The following TLN2 variants were observed in gnomAD, a reference collection of about 807,000 sequenced individuals.
TLN2 encodes talin 2, also known as talin-2.
A neutral mutation model predicts 294.7 loss-of-function variants in TLN2; 118 were observed. That is an observed-to-expected ratio of 0.40 (90% CI 0.34 to 0.47). TLN2 has a LOEUF of 0.47. Ranked by LOEUF, TLN2 falls within the 20% of genes least tolerant of loss-of-function variation. The pLI, the probability that TLN2 is intolerant of heterozygous loss-of-function variation, is 0.84. For missense variants in TLN2, 3,083 were observed against 3,282.2 expected, an observed-to-expected ratio of 0.94 and a Z score of 1.48; for synonymous variants, 1,431 against 1,304.5, an observed-to-expected ratio of 1.10 and a Z score of -2.09.
intron 1 of TLN2, among the ~76,000 whole-genome samples, chr15:62,449,341 G>C (rs563591618): frequency 6.6e-6 from 1 of 152,300 alleles, no homozygotes; most frequent in African/African-American, 2.4e-5. Context: ...TGGTCCTGAT[G>C]CTGAAGAGCT....
In TLN2 at chr15:62,722,438, C is replaced by T; in HGVS notation, c.3077C>T (p.Ala1026Val). The T allele has an allele frequency of 1.2e-6, 2 of 1,612,888 alleles. No individual in the cohort carries two copies. The highest frequency in any genetic ancestry group is 1.7e-6 in the Non-Finnish European group (2 of 1,179,572). Residue 1026 changes from alanine to valine, a missense_variant, in exon 26 of 59, where the codon GCC becomes GTC. Physicochemically the swap from Ala to Val is moderately conservative, Grantham distance 64. Transcript: ENST00000636159. The stretch of plus-strand genomic sequence containing the variant: ...GCAGCCATGCAGCTGAGCCAGTGTG[C>T]CAAGAACCTGGCCACCAGCTTGGCG... ...QAAAMQLSQC[A>V]KNLATSLAEL...
chr15:62,472,828 T>C (rs889707392), intron 1 of TLN2, among the ~76,000 whole-genome samples: 2 of 152,130 alleles, frequency 1.3e-5, no homozygotes, highest in Non-Finnish European at 2.9e-5. Context: ...AGAATTCCCC[T>C]GAGGAAGGTA....
rs1210673212 is a variant in TLN2, at chr15:62,748,421, G to A, written c.4096G>A (p.Asp1366Asn). The A allele has an allele frequency of 3.7e-6, 6 of 1,613,872 alleles. No homozygotes were observed. The highest frequency in any genetic ancestry group is 1.1e-5 in the South Asian group (1 of 91,048). Residue 1366 changes from aspartate (D) to asparagine (N), a missense_variant, in exon 33 of 59, where the codon GAT (aspartate) becomes AAT (asparagine). By Grantham distance (23) the Asp-to-Asn change is conservative. Transcript: ENST00000636159. ...ACAAGCTCCGGGCCAGAAAGAGTGC[G>A]ATAATGCCCTGCGGGAGCTCGAGGT... ...TQQAPGQKEC[D>N]NALRELETVK...
At chr15:62,574,298 C>T (rs1044335175) in intron 1 of TLN2, among the ~76,000 whole-genome samples, 17 of 151,692 alleles carry the variant, frequency 1.1e-4, no homozygotes, top group Non-Finnish European at 1.6e-4. Context: ...CATGATTAGC[C>T]AGGCGCGGTG....
At position 62,752,292 on chromosome 15, in the gene TLN2, G is replaced by T; in HGVS notation, c.4210-13G>T. ...TGCTGGATAGAGAATGTTGCTGGCCGTTTGTTTTGCAGGTTCTGGGTGAAT... is the reference window on the plus strand; with the variant it reads ...TGCTGGATAGAGAATGTTGCTGGCCTTTTGTTTTGCAGGTTCTGGGTGAAT... On this transcript the variant is annotated splice_polypyrimidine_tract_variant and intron_variant, in intron 34 of 58. Coordinates refer to ENST00000636159, the MANE Select transcript of TLN2 (RefSeq NM_015059.3). 1 of 1,613,532 alleles carries T rather than the reference G, an allele frequency of 6.2e-7. No individual in the cohort carries two copies. Among genetic ancestry groups the T allele is most frequent in the Non-Finnish European group, 8.5e-7 (1 of 1,179,706 alleles).
At chr15:62,417,142 A>AT (rs2034130572) in intron 1 of TLN2, among the ~76,000 whole-genome samples, 1 of 152,146 alleles carries the variant, frequency 6.6e-6, no homozygotes. Context: ...TCCCCAAGGC[A>AT]TGAAGGTCTC....
chr15:62,435,410 G>A (rs746909897), intron 1 of TLN2, among the ~76,000 whole-genome samples: 5 of 152,004 alleles, frequency 3.3e-5, no homozygotes, highest in African/African-American at 7.2e-5. Context: ...ATTTTTCTCC[G>A]CAGAAGTTGA....
chr15:62,482,807 A>G (rs2038180743), intron 1 of TLN2, among the ~76,000 whole-genome samples: 1 of 152,148 alleles, frequency 6.6e-6, no homozygotes, highest in Non-Finnish European at 1.5e-5. Flanking sequence ...AGCGGTGGCC[A>G]GGATGCAATT....
chr15:62,690,773 G>A (rs1296948856), intron 12 of TLN2, among the ~76,000 whole-genome samples: 2 of 151,058 alleles, frequency 1.3e-5, no homozygotes, highest in African/African-American at 2.5e-5. Flanking sequence ...CACCTCGGGA[G>A]GCCGAGGCTG....
chr15:62,642,292 A>G (rs1013869960), intron 3 of TLN2, among the ~76,000 whole-genome samples: 7 of 152,276 alleles, frequency 4.6e-5, no homozygotes, highest in African/African-American at 1.7e-4. Context: ...AAAATGAACA[A>G]TAAGATAAAA....
At chr15:62,563,764 C>T (rs566788449) in intron 1 of TLN2, among the ~76,000 whole-genome samples, 8 of 152,184 alleles carry the variant, frequency 5.3e-5, no homozygotes, top group Non-Finnish European at 1.2e-4. Flanking sequence ...TGTCATCCTG[C>T]GAGGGTTGGC....
chr15:62,498,735 G>A (rs539160084), intron 1 of TLN2, among the ~76,000 whole-genome samples: 6 of 149,284 alleles, frequency 4.0e-5, no homozygotes, highest in Non-Finnish European at 7.5e-5. Flanking sequence ...TCTTAGGAGG[G>A]TTTTTTTTTT....
intron 9 of TLN2, among the ~76,000 whole-genome samples, chr15:62,673,377 A>AAGTTTAGTTTCCAT (rs2055724727): frequency 6.8e-6 from 1 of 147,424 alleles, no homozygotes. Flanking sequence ...AGAAATAGGC[A>AAGTTTAGTTTCCAT]AGTTTAGTTT....
rs55990249 is a variant in TLN2 at position 62,458,604 on chromosome 15, G to GAAAAAAAAA, written c.-238+67925_-238+67933dup. ...AACATGGCAAAACCTCGTCTCTACAGAAAAAAAAAAAAAATTTAGCTGGGT... is the reference window on the plus strand; with the variant it reads ...AACATGGCAAAACCTCGTCTCTACAGAAAAAAAAAAAAAAAAAAAAAAATTTAGCTGGGT... On this transcript the variant is annotated intron_variant, in intron 1 of 58. Transcript: ENST00000636159. 3.1e-5 allele frequency among the ~76,000 whole-genome samples: 4 copies of GAAAAAAAAA among 130,130 alleles called. 1 individual carries two copies. Among genetic ancestry groups the GAAAAAAAAA allele is most frequent in the Non-Finnish European group, 4.8e-5 (3 of 63,102 alleles). The allele number at this position is 130,130 out of a possible 152,430, so 85.4% of individuals were successfully genotyped here. A position where few individuals can be genotyped will look rare whatever the true frequency, so the allele number is the denominator to read the frequency against.
At chr15:62,725,525 C>T (rs1244881333) in intron 27 of TLN2, among the ~76,000 whole-genome samples, 1 of 152,218 alleles carries the variant, frequency 6.6e-6, no homozygotes, top group Non-Finnish European at 1.5e-5. Flanking sequence ...TAGAGGTCTA[C>T]TGTGGTCGTA....
rs1331055324 is a variant in TLN2 at position 62,792,543 on chromosome 15, G to C, written c.5737-98G>C. On this transcript the variant is annotated intron_variant, in intron 45 of 58. Coordinates refer to ENST00000636159, the MANE Select transcript of TLN2 (RefSeq NM_015059.3). Reference sequence around the variant, plus strand: ...ATAGGAGTGGAATTTTCCTAGCCAGGCTCCCATAGGACATAGGAGAAATTT... The same window carrying C: ...ATAGGAGTGGAATTTTCCTAGCCAGCCTCCCATAGGACATAGGAGAAATTT... The C allele has an allele frequency of 2.5e-5, 37 of 1,467,812 alleles. No homozygotes were observed. The East Asian group carries it at 8.3e-4, about 33-fold the overall frequency. The allele number at this position is 1,467,812 out of a possible 1,614,324, so 90.9% of individuals were successfully genotyped here. A position where few individuals can be genotyped will look rare whatever the true frequency, so the allele number is the denominator to read the frequency against.
At chr15:62,822,992 C>G (rs972709343) in intron 54 of TLN2, among the ~76,000 whole-genome samples, 10 of 152,158 alleles carry the variant, frequency 6.6e-5, no homozygotes, top group African/African-American at 2.2e-4. Context: ...TGTGAGGACT[C>G]CCTACAGTAC....
chr15:62,833,415 G>C (rs2069088766), intron 54 of TLN2, 89 bp from the exon 55 acceptor site: 1 of 1,534,446 alleles, frequency 6.5e-7, no homozygotes, highest in Non-Finnish European at 8.8e-7. Flanking sequence ...GGCAGGTGAA[G>C]AGCCAGGTGA....
chr15:62,745,732 G>A lies in TLN2; in HGVS notation c.4026-2619G>A, dbSNP rs186832983. Among the ~76,000 whole-genome samples the A allele has an allele frequency of 1.2e-4, 19 of 152,162 alleles. No homozygotes were observed. In the South Asian group the frequency reaches 2.1e-3, roughly 17 times the overall value. On this transcript the variant is annotated intron_variant, in intron 32 of 58. Transcript: ENST00000636159. ...TATTCTTGCGTATTTGAGTTGCTCC[G>A]TATTCTTTGCTCTTATAAATAGCTG...
Sources: allele counts gnomAD v4.1 joint callset (sites outside exome capture counted in the v4.1 genomes callset), GRCh38; gene constraint gnomAD v4.1.1; transcripts MANE v1.5; gene names NCBI Gene and HGNC (gene_info 2026-07-23, HGNC 2026-07-21).